Variants in SUMF1 observed in about 807,000 individuals in gnomAD.
SUMF1 encodes the protein sulfatase modifying factor 1, also known as formylglycine-generating enzyme.
SUMF1 carries 48 observed loss-of-function variants against 47.6 expected under a neutral mutation model. The observed-to-expected ratio is 1.01, with a 90% CI of 0.80 to 1.28. SUMF1 has a LOEUF of 1.28. Ranked by LOEUF, SUMF1 falls within the 50% of genes most tolerant of loss-of-function variation. The pLI is 0.00. For missense variants in SUMF1, 571 were observed against 485.4 expected, an observed-to-expected ratio of 1.18 and a Z score of -1.66; for synonymous variants, 230 against 192.1, an observed-to-expected ratio of 1.20 and a Z score of -1.63.
intron 7 of SUMF1, among the ~76,000 whole-genome samples, chr3:4,403,229 T>A (rs1210331154): frequency 3.3e-5 from 5 of 152,200 alleles, no homozygotes; most frequent in African/African-American, 1.2e-4. Flanking sequence ...GGGTCACACA[T>A]CTGGGAAGCC....
At chr3:4,190,906 C>T (rs182527716) in intron 8 of SUMF1, among the ~76,000 whole-genome samples, 2 of 152,206 alleles carry the variant, frequency 1.3e-5, no homozygotes, top group East Asian at 1.9e-4. Flanking sequence ...AGGAAATAAG[C>T]AATACACAAA....
At chr3:4,218,531 G>A (rs1053702146) in intron 8 of SUMF1, among the ~76,000 whole-genome samples, 1 of 152,038 alleles carries the variant, frequency 6.6e-6, no homozygotes, top group African/African-American at 2.4e-5. Flanking sequence ...ACAAGACTTT[G>A]GCTCATCAAG....
chr3:4,424,248 T>C (rs1010204028), intron 3 of SUMF1, among the ~76,000 whole-genome samples: 6 of 152,174 alleles, frequency 3.9e-5, no homozygotes, highest in Non-Finnish European at 1.5e-5. Context: ...CCCTCTGCTA[T>C]ACACACACCT....
At chr3:4,169,346 G>T (rs138700180) in intron 8 of SUMF1, among the ~76,000 whole-genome samples, 1 of 152,196 alleles carries the variant, frequency 6.6e-6, no homozygotes, top group East Asian at 1.9e-4. Context: ...CATTAGAGTG[G>T]CTCCTCATCC....
chr3:4,454,278 G>C (rs1703078235), intron 1 of SUMF1, among the ~76,000 whole-genome samples: 1 of 152,124 alleles, frequency 6.6e-6, no homozygotes, highest in African/African-American at 2.4e-5. Context: ...TCCCAACACT[G>C]AGCACAGGAT....
intron 8 of SUMF1, among the ~76,000 whole-genome samples, chr3:4,246,566 T>G (rs535460911): frequency 4.6e-5 from 7 of 152,148 alleles, no homozygotes; most frequent in African/African-American, 1.7e-4. Flanking sequence ...CATGCCCGGC[T>G]AATTATTGTA....
intron 1 of SUMF1, among the ~76,000 whole-genome samples, chr3:4,456,775 T>C (rs2079634732): frequency 6.9e-6 from 1 of 145,766 alleles, no homozygotes; most frequent in Non-Finnish European, 1.5e-5. Flanking sequence ...TATATACACA[T>C]ATATACGTGT....
chr3:4,064,591 T>C (rs1391178423), intron 9 of SUMF1, among the ~76,000 whole-genome samples: 2 of 152,166 alleles, frequency 1.3e-5, no homozygotes, highest in Admixed American at 6.6e-5. Context: ...CTCTTCTGTA[T>C]GGACTCACCC....
At chr3:4,132,404 A>G (rs1030287286) in intron 8 of SUMF1, among the ~76,000 whole-genome samples, 2 of 152,144 alleles carry the variant, frequency 1.3e-5, no homozygotes, top group Non-Finnish European at 2.9e-5. Context: ...TACAATGTCA[A>G]CTAGGTGACA....
At chr3:4,288,057 A>G (rs1697669522) in intron 8 of SUMF1, among the ~76,000 whole-genome samples, 1 of 151,994 alleles carries the variant, frequency 6.6e-6, no homozygotes, top group Admixed American at 6.6e-5. Flanking sequence ...CAAAATAATG[A>G]CCCCAGAGAG....
chr3:4,038,841 T>G (rs1694853202), intron 9 of SUMF1, among the ~76,000 whole-genome samples: 1 of 152,120 alleles, frequency 6.6e-6, no homozygotes, highest in South Asian at 2.1e-4. Flanking sequence ...TAGCTAAGTT[T>G]TACCAGGAAA....
intron 6 of SUMF1, among the ~76,000 whole-genome samples, chr3:4,414,009 G>A (rs1344113093): frequency 6.6e-6 from 1 of 152,096 alleles, no homozygotes; most frequent in African/African-American, 2.4e-5. Flanking sequence ...GATTACAGGT[G>A]CATGCTGCCA....
At chr3:4,424,256 C>T (rs1575206118) in intron 3 of SUMF1, among the ~76,000 whole-genome samples, 1 of 152,154 alleles carries the variant, frequency 6.6e-6, no homozygotes, top group African/African-American at 2.4e-5. Context: ...TATACACACA[C>T]CTACTCACTC....
chr3:4,226,264 C>CTTTTTTTTTTTTTTTTTTTTTTTTTTT (rs869300368), intron 8 of SUMF1, among the ~76,000 whole-genome samples: 1 of 86,976 alleles, frequency 1.1e-5, no homozygotes, highest in Admixed American at 1.6e-4. Context: ...TTTTTTGTTT[C>CTTTTTTTTTTTTTTTTTTTTTTTTTTT]TTTTTTTTTT....
In SUMF1 at chr3:4,165,859, G is replaced by GT. The variant is rs1416164965; in HGVS notation, c.1015-97115dup. 1.2e-3 allele frequency among the ~76,000 whole-genome samples: 40 copies of GT among 32,482 alleles called. 2 individuals are homozygous for GT. Among genetic ancestry groups the GT allele is most frequent in the South Asian group, 6.3e-3 (3 of 476 alleles). The allele number at this position is 32,482 out of a possible 152,430, so 21.3% of individuals were successfully genotyped here. On this transcript the variant is annotated intron_variant and NMD_transcript_variant, in intron 8 of 12. Transcript: ENST00000448413. ...AAATGCCCGTGGTTTTGATTTGTTT[G>GT]TTTCCCCCCCCCCCCCGAGCAAGAA...
chr3:4,438,556 C>G (rs985546715), intron 3 of SUMF1, among the ~76,000 whole-genome samples: 1 of 152,170 alleles, frequency 6.6e-6, no homozygotes, highest in African/African-American at 2.4e-5. Flanking sequence ...AGCCAGAACC[C>G]CTACTTACCT....
intron 8 of SUMF1, among the ~76,000 whole-genome samples, chr3:4,207,060 C>T (rs62258063): frequency 6.6e-6 from 1 of 151,922 alleles, no homozygotes; most frequent in Admixed American, 6.6e-5. Flanking sequence ...TTATATAGTT[C>T]TTGTACTTTA....
intron 8 of SUMF1, among the ~76,000 whole-genome samples, chr3:4,277,593 T>C (rs1697445349): frequency 2.0e-5 from 3 of 152,106 alleles, no homozygotes; most frequent in Admixed American, 1.3e-4. Context: ...CAGTAGGACC[T>C]TGAATTAAAC....
chr3:4,095,898 G>A (rs1692892421), intron 8 of SUMF1, among the ~76,000 whole-genome samples: 1 of 151,986 alleles, frequency 6.6e-6, no homozygotes, highest in Non-Finnish European at 1.5e-5. Context: ...TCATTTTAAG[G>A]CCCAACTCAG....
Sources: gnomAD v4.1 joint callset for allele counts (sites outside exome capture counted in the v4.1 genomes callset) on GRCh38, gnomAD v4.1.1 for gene constraint, MANE v1.5 for transcripts, NCBI Gene and HGNC (gene_info 2026-07-23, HGNC 2026-07-21) for gene names.